Variants in PDE1A observed in about 807,000 individuals in gnomAD.
PDE1A encodes the protein dual specificity calcium/calmodulin-dependent 3',5'-cyclic nucleotide phosphodiesterase 1A.
PDE1A carries 35 observed loss-of-function variants against 61.7 expected under a neutral mutation model. The observed-to-expected ratio is 0.57, with a 90% CI of 0.43 to 0.75. PDE1A has a LOEUF of 0.75. Ranked by LOEUF, PDE1A falls within the 30% of genes least tolerant of loss-of-function variation. The probability of loss-of-function intolerance (pLI) is 0.00; values close to 1 mark genes in which losing one functional copy is unlikely to be tolerated. For synonymous variants in PDE1A, 232 were observed against 213.2 expected (o/e 1.09, Z -0.77); for missense variants, 597 against 630.6 (o/e 0.95, Z 0.57).
intron 2 of PDE1A, among the ~76,000 whole-genome samples, chr2:182,253,296 T>C (rs1374196505): frequency 2.0e-5 from 3 of 152,194 alleles, no homozygotes; most frequent in East Asian, 3.8e-4. Context: ...TAGAAATTGA[T>C]TGATTTCCTT....
intron 2 of PDE1A, among the ~76,000 whole-genome samples, chr2:182,445,404 G>A (rs1483045369): frequency 6.6e-6 from 1 of 152,072 alleles, no homozygotes; most frequent in Non-Finnish European, 1.5e-5. Context: ...TTTCCCACTT[G>A]ACATTGACTC....
chr2:182,151,054 C>G (rs1690750639), intron 13 of PDE1A, among the ~76,000 whole-genome samples: 1 of 152,094 alleles, frequency 6.6e-6, no homozygotes, highest in Non-Finnish European at 1.5e-5. Context: ...AAGTGCTTCA[C>G]TCACCTCACT....
At chr2:182,224,917 T>C (rs1689019411) in intron 6 of PDE1A, among the ~76,000 whole-genome samples, 2 of 151,898 alleles carry the variant, frequency 1.3e-5, no homozygotes, top group South Asian at 4.1e-4. Flanking sequence ...TGGCACTTGA[T>C]GGTACGAATG....
intron 2 of PDE1A, among the ~76,000 whole-genome samples, chr2:182,506,822 C>G (rs1214856911): frequency 6.6e-6 from 1 of 152,156 alleles, no homozygotes; most frequent in Non-Finnish European, 1.5e-5. Flanking sequence ...GGAGCCCTGG[C>G]CTTTCTAGTG....
At chr2:182,675,229 T>TG in the PDE1A span, among the ~76,000 whole-genome samples, 4 of 152,184 alleles carry the variant, frequency 2.6e-5, no homozygotes, top group Admixed American at 2.0e-4. Flanking sequence ...GTTCCTACAT[T>TG]AGTTTGCTAA....
At chr2:182,391,656 C>A (rs923309172) in intron 1 of PDE1A, among the ~76,000 whole-genome samples, 1 of 152,132 alleles carries the variant, frequency 6.6e-6, no homozygotes, top group Non-Finnish European at 1.5e-5. Context: ...AAAACTTAAA[C>A]ACAATGGGAA....
At chr2:182,185,709 A>T in intron 13 of PDE1A, 183 bp downstream of exon 13, 1 of 1,173,746 alleles carries the variant, frequency 8.5e-7, no homozygotes, top group East Asian at 2.6e-5. Context: ...ACAAACCAGA[A>T]CCTCTTTTTA....
chr2:182,677,116 T>C, the PDE1A span, among the ~76,000 whole-genome samples: 1 of 152,118 alleles, frequency 6.6e-6, no homozygotes, highest in East Asian at 1.9e-4. Flanking sequence ...AGACAGGACG[T>C]CAAACTATCC....
At chr2:182,304,737 A>C (rs1695467987) in intron 1 of PDE1A, among the ~76,000 whole-genome samples, 1 of 152,170 alleles carries the variant, frequency 6.6e-6, no homozygotes, top group African/African-American at 2.4e-5. Context: ...AACATTTATC[A>C]ATTGAGTTGG....
chr2:182,196,511 A>G (rs921599465), intron 10 of PDE1A, among the ~76,000 whole-genome samples: 2 of 151,852 alleles, frequency 1.3e-5, no homozygotes, highest in African/African-American at 4.8e-5. Context: ...AAAAAATTAA[A>G]GGGAAATTTA....
At chr2:182,716,098 G>A in the PDE1A span, 2 of 152,478 alleles carry the variant, frequency 1.3e-5, no homozygotes, top group African/African-American at 4.8e-5. Flanking sequence ...CTCCGGGTTG[G>A]AGCCGGAGCC....
chr2:182,687,424 G>A, the PDE1A span, among the ~76,000 whole-genome samples: 7 of 152,168 alleles, frequency 4.6e-5, no homozygotes, highest in African/African-American at 9.7e-5. Context: ...GGCAAACAGC[G>A]TCTGGAGTGG....
intron 1 of PDE1A, among the ~76,000 whole-genome samples, chr2:182,406,782 A>T (rs1702319841): frequency 6.6e-6 from 1 of 152,154 alleles, no homozygotes; most frequent in African/African-American, 2.4e-5. Context: ...ATAATTTTTT[A>T]AAACTACAGA....
chr2:182,226,574 A>T (rs1689160265), intron 6 of PDE1A, among the ~76,000 whole-genome samples: 1 of 149,720 alleles, frequency 6.7e-6, no homozygotes, highest in Admixed American at 6.6e-5. Context: ...TATCAGAAGG[A>T]ATTCTAACTC....
the PDE1A span, among the ~76,000 whole-genome samples, chr2:182,543,317 C>T: frequency 3.9e-5 from 6 of 152,188 alleles, no homozygotes; most frequent in Admixed American, 1.3e-4. Flanking sequence ...TCTAAGTAGC[C>T]GACTATTCTA....
intron 13 of PDE1A, among the ~76,000 whole-genome samples, chr2:182,155,205 A>G (rs1267220163): frequency 6.6e-6 from 1 of 150,642 alleles, no homozygotes; most frequent in Non-Finnish European, 1.5e-5. Context: ...TCCCAACTTC[A>G]GACTCCCAAG....
At chr2:182,230,840 T>C (rs1689521141) in intron 5 of PDE1A, among the ~76,000 whole-genome samples, 175 bp downstream of exon 5, 1 of 152,190 alleles carries the variant, frequency 6.6e-6, no homozygotes, top group African/African-American at 2.4e-5. Context: ...TATAGATGTG[T>C]CAGTGACTTG....
chr2:182,621,228 T>C, the PDE1A span, among the ~76,000 whole-genome samples: 5 of 152,340 alleles, frequency 3.3e-5, no homozygotes, highest in East Asian at 9.6e-4. Context: ...GGTAATATCT[T>C]AGAAGCAGGG....
chr2:182,312,942 C>T (rs760456133), intron 1 of PDE1A, among the ~76,000 whole-genome samples: 2 of 151,772 alleles, frequency 1.3e-5, no homozygotes, highest in African/African-American at 2.4e-5. Flanking sequence ...TAGTATATCT[C>T]TCTATTTATT....
Sources: gnomAD v4.1 joint callset for allele counts (sites outside exome capture counted in the v4.1 genomes callset) on GRCh38, gnomAD v4.1.1 for gene constraint, MANE v1.5 for transcripts, NCBI Gene and HGNC (gene_info 2026-07-23, HGNC 2026-07-21) for gene names.